MAP3K9: variants seen among roughly 807,000 people sequenced by gnomAD.
MAP3K9 encodes mitogen-activated protein kinase kinase kinase 9, also known as mixed lineage kinase 1 (tyr and ser/thr specificity).
MAP3K9 carries 46 observed loss-of-function variants against 95.8 expected under a neutral mutation model. The ratio of observed to expected loss-of-function variants is 0.48; its 90% CI spans 0.38 to 0.61. The LOEUF is 0.61. MAP3K9 is among the 20% of genes least tolerant of loss of function. The pLI, the probability that MAP3K9 is intolerant of heterozygous loss-of-function variation, is 0.00. For synonymous variants in MAP3K9, 533 were observed against 593.8 expected (o/e 0.90, Z 1.49); for missense variants, 1,296 against 1,474.3 (o/e 0.88, Z 1.98).
At chr14:70,781,294 T>C (rs1191935001) in intron 2 of MAP3K9, among the ~76,000 whole-genome samples, 6 of 152,228 alleles carry the variant, frequency 3.9e-5, no homozygotes, top group Non-Finnish European at 7.3e-5. Flanking sequence ...AGACTGCACA[T>C]GGGCACTCCC....
intron 1 of MAP3K9, among the ~76,000 whole-genome samples, chr14:70,805,821 G>A (rs2054983668): frequency 1.3e-5 from 2 of 152,186 alleles, no homozygotes; most frequent in African/African-American, 4.8e-5. Context: ...AGCTTCTTTG[G>A]GAGGCTGGGG....
intron 2 of MAP3K9, chr14:70,765,510 A>T (rs2054438073): frequency 1.5e-6 from 1 of 678,408 alleles, no homozygotes; most frequent in African/African-American, 1.8e-5. Context: ...ACCATTTTTT[A>T]TTTTTATATC....
intron 1 of MAP3K9, 143 bp downstream of exon 1, chr14:70,808,623 A>G (rs2055022021): frequency 4.1e-6 from 2 of 484,244 alleles, no homozygotes; most frequent in South Asian, 2.3e-5. Flanking sequence ...GGGCAGCCTA[A>G]GCGCGCGCCA....
intron 3 of MAP3K9, among the ~76,000 whole-genome samples, chr14:70,750,478 TTTTG>T (rs1186446586): frequency 1.4e-4 from 22 of 152,154 alleles, no homozygotes; most frequent in South Asian, 2.1e-4. Flanking sequence ...CATTATTGTT[TTTTG>T]TTTGTTTGTT....
At chr14:70,748,788 C>A (rs370249254) in intron 5 of MAP3K9, 41 bp downstream of exon 5, 62 of 1,551,340 alleles carry the variant, frequency 4.0e-5, no homozygotes, top group Non-Finnish European at 4.9e-5. Flanking sequence ...TGCCTTTTTT[C>A]TTTTCGTTCG....
chr14:70,770,705 G>A (rs2054519709), intron 2 of MAP3K9, among the ~76,000 whole-genome samples: 1 of 152,146 alleles, frequency 6.6e-6, no homozygotes, highest in South Asian at 2.1e-4. Flanking sequence ...CACAATGATT[G>A]CAGGTAAGTT....
At chr14:70,807,617 C>T (rs781543218) in intron 1 of MAP3K9, among the ~76,000 whole-genome samples, 7 of 151,970 alleles carry the variant, frequency 4.6e-5, no homozygotes, top group Admixed American at 2.0e-4. Flanking sequence ...TTGCTAATGA[C>T]GTTTTAAAAA....
Position 70,809,036 on chromosome 14 carries a change from C to T in MAP3K9, c.136G>A (p.Gly46Arg). ...AGCGGCGCGTCGCAGCCCAGCTCCCCGGGGCCCACCGCCGCCGCCGCCTCC... is the reference window on the plus strand; with the variant it reads ...AGCGGCGCGTCGCAGCCCAGCTCCCTGGGGCCCACCGCCGCCGCCGCCTCC... ...EEEAAAAVGP[G>R]ELGCDAPLPY... The change falls in exon 1 of 12, where the codon GGG becomes AGG. Residue 46 changes from glycine (G) to arginine (R), a missense_variant. By Grantham distance (125) the Gly-to-Arg change is moderately radical (BLOSUM62 -2). Coordinates refer to ENST00000554752, the MANE Select transcript of MAP3K9 (RefSeq NM_001284230.2). The T allele has an allele frequency of 2.0e-6, 3 of 1,473,590 alleles. No individual in the cohort carries two copies. Among genetic ancestry groups the T allele is most frequent in the Non-Finnish European group, 2.7e-6 (3 of 1,118,076 alleles). 91.3% of individuals were successfully genotyped at this position (1,473,590 alleles called of 1,614,324 possible). A position where few individuals can be genotyped will look rare whatever the true frequency, so the allele number is the denominator to read the frequency against.
chr14:70,800,654 T>A lies in MAP3K9; in HGVS notation c.820+13A>T. 6.2e-7 allele frequency: 1 copy of A among 1,608,196 alleles called. No homozygotes were observed. Among genetic ancestry groups the A allele is most frequent in the Non-Finnish European group, 8.5e-7 (1 of 1,176,726 alleles). On this transcript the variant is annotated intron_variant, in intron 2 of 11. Coordinates refer to ENST00000554752, the MANE Select transcript of MAP3K9 (RefSeq NM_001284230.2). ...TGCTCTGAGCCCCTCCAGCCCCATCTCTTCATACTCACTGTTGCTGGACTT... is the reference window on the plus strand; with the variant it reads ...TGCTCTGAGCCCCTCCAGCCCCATCACTTCATACTCACTGTTGCTGGACTT...
At chr14:70,750,143 G>T in intron 3 of MAP3K9, 62 bp from the exon 4 acceptor site, 1 of 1,291,020 alleles carries the variant, frequency 7.7e-7, no homozygotes, top group South Asian at 1.2e-5. Context: ...CACTGCAATA[G>T]CTCGAGTCTT....
chr14:70,755,011 A>T (rs561227189), intron 3 of MAP3K9, among the ~76,000 whole-genome samples: 102 of 152,282 alleles, frequency 6.7e-4, no homozygotes, highest in Non-Finnish European at 1.2e-3. Flanking sequence ...CCTCCATCAC[A>T]ACATTTGCAG....
intron 2 of MAP3K9, among the ~76,000 whole-genome samples, chr14:70,795,389 G>C (rs1394117311): frequency 6.6e-6 from 1 of 151,848 alleles, no homozygotes; most frequent in African/African-American, 2.4e-5. Flanking sequence ...GCTCACTGCA[G>C]CCTCAACTTT....
chr14:70,742,112 C>T (rs913917751), intron 6 of MAP3K9, among the ~76,000 whole-genome samples: 4 of 152,198 alleles, frequency 2.6e-5, no homozygotes, highest in Admixed American at 2.6e-4. Flanking sequence ...CAGCCTGGAC[C>T]TTGCCGGGTT....
At chr14:70,733,735 G>A (rs1195640395) in intron 10 of MAP3K9, 1 of 718,446 alleles carries the variant, frequency 1.4e-6, no homozygotes, top group East Asian at 2.7e-5. Flanking sequence ...GGGAGTCAGG[G>A]GGCAGGGAGA....
In MAP3K9 at chr14:70,733,034, G is replaced by A; in HGVS notation, c.2335C>T (p.Pro779Ser). 3 of 1,614,180 alleles carry A rather than the reference G, an allele frequency of 1.9e-6. No individual in the cohort carries two copies. The highest frequency in any genetic ancestry group is 2.5e-6 in the Non-Finnish European group (3 of 1,180,038). ...GCTGGTGGCTCAGGCTCCTCCAGGG[G>A]AAGCAGCTGGCACTTGCCAGCTTCC... is the stretch of plus-strand genomic sequence containing the variant. ...LLEAGKCQLL[P>S]LEEPEPPARE... The change falls in exon 11 of 12, where the codon CCC becomes TCC. Residue 779 changes from proline (P) to serine (S), a missense_variant. Around this residue, in one of 5 missense-constraint regions of MAP3K9, gnomAD observed 433 missense variants for 441.4 expected, o/e 0.98. Coordinates refer to ENST00000554752, the MANE Select transcript of MAP3K9 (RefSeq NM_001284230.2).
chr14:70,754,656 A>G (rs2054274124), intron 3 of MAP3K9, among the ~76,000 whole-genome samples: 1 of 152,062 alleles, frequency 6.6e-6, no homozygotes, highest in Non-Finnish European at 1.5e-5. Flanking sequence ...TATTTTTAGT[A>G]GAGATGGGGT....
intron 2 of MAP3K9, among the ~76,000 whole-genome samples, chr14:70,785,029 TCTC>T (rs1299152399): frequency 6.6e-6 from 1 of 151,984 alleles, no homozygotes; most frequent in Non-Finnish European, 1.5e-5. Flanking sequence ...TAGAGAAGGA[TCTC>T]CTATTGCAGT....
intron 3 of MAP3K9, among the ~76,000 whole-genome samples, chr14:70,754,747 A>C (rs2054275364): frequency 6.6e-6 from 1 of 152,198 alleles, no homozygotes; most frequent in Admixed American, 6.5e-5. Context: ...CTGAGATTAC[A>C]GGTGTAAGCC....
intron 2 of MAP3K9, among the ~76,000 whole-genome samples, chr14:70,769,923 G>C (rs1476274035): frequency 6.6e-6 from 1 of 152,126 alleles, no homozygotes; most frequent in African/African-American, 2.4e-5. Context: ...TTGTGTGGAG[G>C]GTTGTGGGGG....
Sources: gnomAD v4.1 joint callset for allele counts (sites outside exome capture counted in the v4.1 genomes callset) on GRCh38, gnomAD v4.1.1 for gene constraint, gnomAD v4.1.1 regional missense constraint, MANE v1.5 for transcripts, NCBI Gene and HGNC (gene_info 2026-07-23, HGNC 2026-07-21) for gene names.